The following IQGAP3 variants were observed in gnomAD, a reference collection of about 807,000 sequenced individuals.
The protein encoded by IQGAP3 is IQ motif containing GTPase activating protein 3, also known as ras GTPase-activating-like protein IQGAP3.
IQGAP3 carries 165 observed loss-of-function variants against 208.2 expected under a neutral mutation model. That is an observed-to-expected ratio of 0.79 (90% CI 0.70 to 0.90). IQGAP3 has a LOEUF of 0.90. Among genes scored for constraint, IQGAP3 ranks in the 40% least tolerant of loss-of-function variants. The probability of loss-of-function intolerance (pLI) is 0.00; values close to 1 mark genes in which losing one functional copy is unlikely to be tolerated. For missense variants in IQGAP3, 1,811 were observed against 2,043.1 expected (o/e 0.89, Z 2.19); for synonymous variants, 703 against 803.6 (o/e 0.87, Z 2.12).
In IQGAP3 at chr1:156,538,888, CTT is replaced by C; in HGVS notation, c.3200_3201del (p.Lys1067SerfsTer13). 1.2e-6 allele frequency: 2 copies of C among 1,614,164 alleles called. No individual in the cohort carries two copies. Among genetic ancestry groups the C allele is most frequent in the South Asian group, 2.2e-5 (2 of 91,080 alleles). ...ACAGGGTCTGTGTGGACGCTGAGCA[CTT>C]TGTCTTCTAGCACATCCTGGATAAC... ...GKVIQDVLED[K>X]VLSVHTDPVH... is the part of the protein sequence containing the mutation. On this transcript the variant is annotated frameshift_variant, in exon 26 of 38. Transcript: ENST00000361170. LOFTEE classifies it high-confidence loss of function.
In IQGAP3 at chr1:156,539,026, C is replaced by T. The variant is rs761042207; in HGVS notation, c.3064G>A (p.Val1022Met). Reference protein sequence around the residue: ...TALQEEIKSKVEQPQDVVTGN... With the variant: ...TALQEEIKSKMEQPQDVVTGN... ...GTCACCACGTCCTGGGGCTGCTCCACCTTTGACCTGTGGTTTAAGAGGTCA... is the reference window on the plus strand; with the variant it reads ...GTCACCACGTCCTGGGGCTGCTCCATCTTTGACCTGTGGTTTAAGAGGTCA... Residue 1022 changes from valine to methionine, a missense_variant, in exon 26 of 38, where the codon GTG (valine) becomes ATG (methionine). Transcript: ENST00000361170. 3.7e-6 allele frequency: 6 copies of T among 1,613,466 alleles called. No homozygotes were observed. The highest frequency in any genetic ancestry group is 1.1e-5 in the South Asian group (1 of 90,894).
chr1:156,572,068 C>A (rs1371725723), intron 1 of IQGAP3, among the ~76,000 whole-genome samples: 1 of 152,156 alleles, frequency 6.6e-6, no homozygotes, highest in Admixed American at 6.5e-5. Flanking sequence ...GTAATTTCAC[C>A]CCCTGTTTGA....
At chr1:156,532,887 G>T (rs1674478864) in intron 32 of IQGAP3, 93 bp downstream of exon 32, 2 of 1,377,132 alleles carry the variant, frequency 1.5e-6, no homozygotes, top group Non-Finnish European at 2.0e-6. Flanking sequence ...AGCCCAGGAA[G>T]AAGGTGGAAT....
At chr1:156,536,527 C>T (rs1167697296) in intron 27 of IQGAP3, among the ~76,000 whole-genome samples, 3 of 152,096 alleles carry the variant, frequency 2.0e-5, no homozygotes, top group Non-Finnish European at 2.9e-5. Flanking sequence ...TACAAAGTTA[C>T]ATCCAGGTAG....
At chr1:156,556,739 G>A (rs1043165846) in intron 11 of IQGAP3, 46 bp from the exon 12 acceptor site, 1 of 1,468,802 alleles carries the variant, frequency 6.8e-7, no homozygotes, top group Non-Finnish European at 9.1e-7. Context: ...GGCATTCAGT[G>A]GCATCTCCAC....
intron 32 of IQGAP3, among the ~76,000 whole-genome samples, chr1:156,531,528 G>C (rs1424519388): frequency 2.0e-5 from 3 of 151,424 alleles, no homozygotes; most frequent in Non-Finnish European, 4.4e-5. Flanking sequence ...TCTTGGTGGT[G>C]CTCTGTGTTC....
At chr1:156,527,561 A>G (rs1417751918) in intron 37 of IQGAP3, among the ~76,000 whole-genome samples, 5 of 152,174 alleles carry the variant, frequency 3.3e-5, no homozygotes, top group Non-Finnish European at 7.4e-5. Context: ...TTTCCTGAAC[A>G]CTGGCCTATG....
At chr1:156,548,847 C>G in intron 16 of IQGAP3, 99 bp from the exon 17 acceptor site, 1 of 1,209,336 alleles carries the variant, frequency 8.3e-7, no homozygotes, top group Non-Finnish European at 1.1e-6. Context: ...AAAGAGGACA[C>G]AAAATCACCC....
intron 19 of IQGAP3, among the ~76,000 whole-genome samples, chr1:156,547,368 C>CACACAG (rs1326028879): frequency 2.1e-5 from 3 of 145,340 alleles, no homozygotes; most frequent in Non-Finnish European, 4.5e-5. Flanking sequence ...AACACACAGA[C>CACACAG]ACACAGACAC....
At chr1:156,570,118 AT>A (rs2102452315) in intron 1 of IQGAP3, among the ~76,000 whole-genome samples, 1 of 152,336 alleles carries the variant, frequency 6.6e-6, no homozygotes, top group Non-Finnish European at 1.5e-5. Flanking sequence ...GACCTGTGTC[AT>A]CCTCGTTGGT....
At chr1:156,564,766 G>T in intron 4 of IQGAP3, 75 bp from the exon 5 acceptor site, 1 of 1,034,350 alleles carries the variant, frequency 9.7e-7, no homozygotes, top group Non-Finnish European at 1.5e-6. Flanking sequence ...GGGTGCCGAG[G>T]AATGGGTCTT....
intron 13 of IQGAP3, 121 bp downstream of exon 13, chr1:156,554,114 G>T: frequency 8.2e-7 from 1 of 1,214,508 alleles, no homozygotes; most frequent in Non-Finnish European, 1.2e-6. Flanking sequence ...CAGACCCAGA[G>T]GGTGGGCCTG....
Position 156,560,999 on chromosome 1 carries a change from A to G in IQGAP3, c.1064T>C (p.Leu355Pro), listed in dbSNP as rs1676124500. The G allele has an allele frequency of 3.7e-6, 6 of 1,613,632 alleles. No homozygotes were observed. The highest frequency in any genetic ancestry group is 5.1e-6 in the Non-Finnish European group (6 of 1,179,816). The change falls in exon 11 of 38, where the codon CTG becomes CCG. Residue 355 changes from leucine to proline, a missense_variant. Transcript: ENST00000361170. ...KAQELGLVEL[L>P]EKEEVQAGVA... ...ACCAGCCTGGACTTCCTCCTTTTCC[A>G]GAAGCTCCACCAGGCCCAGCTCCTA...
intron 20 of IQGAP3, 60 bp downstream of exon 20, chr1:156,544,329 C>T: frequency 1.3e-6 from 2 of 1,568,072 alleles, no homozygotes; most frequent in South Asian, 1.1e-5. Context: ...GACAAGACTA[C>T]AAGATTGTTC....
Position 156,554,296 on chromosome 1 carries a change from A to G in IQGAP3, c.1387T>C (p.Trp463Arg). 1 of 1,614,142 alleles carries G rather than the reference A, an allele frequency of 6.2e-7. No individual in the cohort carries two copies. Among genetic ancestry groups the G allele is most frequent in the East Asian group, 2.2e-5 (1 of 44,878 alleles). The change falls in exon 13 of 38, where the codon TGG becomes CGG. Residue 463 changes from tryptophan (W) to arginine (R), a missense_variant. Transcript: ENST00000361170. Reference sequence around the variant, plus strand: ...GTGGCAGGGTTCACCAGGCTGCTCCAGAAGCCACTGGCATCCCGGGCCTCC... The same window carrying G: ...GTGGCAGGGTTCACCAGGCTGCTCCGGAAGCCACTGGCATCCCGGGCCTCC... ...ALEARDASGF[W>R]SSLVNPATGL...
rs201806097 is a variant in IQGAP3 at position 156,566,381 on chromosome 1, T to G, written c.282+9A>C. ...GACGAAGGTAGAAGGTGGGGTCCAATCCTCCCACCTGGTACCGCAGCTGCT... is the reference window on the plus strand; with the variant it reads ...GACGAAGGTAGAAGGTGGGGTCCAAGCCTCCCACCTGGTACCGCAGCTGCT... On this transcript the variant is annotated intron_variant, in intron 3 of 37. Coordinates refer to ENST00000361170, the MANE Select transcript of IQGAP3 (RefSeq NM_178229.5). The G allele has an allele frequency of 6.2e-7, 1 of 1,613,320 alleles. No individual in the cohort carries two copies. The highest frequency in any genetic ancestry group is 1.7e-5 in the Admixed American group (1 of 60,000).
At chr1:156,550,382 G>T (rs765279329) in intron 15 of IQGAP3, 31 bp from the exon 16 acceptor site, 1 of 1,528,528 alleles carries the variant, frequency 6.5e-7, no homozygotes, top group South Asian at 1.1e-5. Context: ...AAAAAGATGT[G>T]ACCCCAAGCT....
Position 156,564,912 on chromosome 1 carries a change from A to G in IQGAP3, c.361-221T>C, listed in dbSNP as rs147581084. ...TAAGCCAAGGCTCAGCCACAGACAC[A>G]TAGTCCTAGGGTGCCCTGGATTAAC... On this transcript the variant is annotated intron_variant, in intron 4 of 37. Coordinates refer to ENST00000361170, the MANE Select transcript of IQGAP3 (RefSeq NM_178229.5). 4.3e-3 allele frequency among the ~76,000 whole-genome samples: 655 copies of G among 152,308 alleles called. 5 individuals carry two copies. The highest frequency in any genetic ancestry group is 0.014 in the African/African-American group (601 of 41,564).
chr1:156,539,597 A>G, intron 24 of IQGAP3, 60 bp from the exon 25 acceptor site: 1 of 1,554,666 alleles, frequency 6.4e-7, no homozygotes, highest in Non-Finnish European at 8.8e-7. Flanking sequence ...CAGTGATAGG[A>G]TAAGGAAAGG....
Sources: gnomAD v4.1 joint callset for allele counts (sites outside exome capture counted in the v4.1 genomes callset) on GRCh38, gnomAD v4.1.1 for gene constraint, MANE v1.5 for transcripts, NCBI Gene and HGNC (gene_info 2026-07-23, HGNC 2026-07-21) for gene names.